FERMT2: variants seen among roughly 807,000 people sequenced by gnomAD.
The protein encoded by FERMT2 is FERM domain containing kindlin 2, also known as fermitin family homolog 2.
In FERMT2, 15 loss-of-function variants were observed where a neutral mutation model predicts 82.7. That is an observed-to-expected ratio of 0.18 (90% CI 0.12 to 0.28). The LOEUF is 0.28. Ranked by LOEUF, FERMT2 falls within the 10% of genes least tolerant of loss-of-function variation. FERMT2 has a pLI of 1.00. For missense variants in FERMT2, 645 were observed against 809.4 expected, an observed-to-expected ratio of 0.80 and a Z score of 2.46; for synonymous variants, 274 against 271.5, an observed-to-expected ratio of 1.01 and a Z score of -0.09.
At chr14:52,889,212 C>A (rs1474399283) in intron 4 of FERMT2, among the ~76,000 whole-genome samples, 1 of 152,128 alleles carries the variant, frequency 6.6e-6, no homozygotes, top group Non-Finnish European at 1.5e-5. Context: ...GTGTTTTGGA[C>A]AAGAAGTTGC....
chr14:52,876,531 G>C (rs1265140792), intron 7 of FERMT2, among the ~76,000 whole-genome samples: 1 of 152,150 alleles, frequency 6.6e-6, no homozygotes, highest in Non-Finnish European at 1.5e-5. Flanking sequence ...AGTCATACCG[G>C]AGAAATCCTG....
At chr14:52,938,857 G>GT (rs1889965258) in intron 2 of FERMT2, among the ~76,000 whole-genome samples, 1 of 151,962 alleles carries the variant, frequency 6.6e-6, no homozygotes, top group Admixed American at 6.6e-5. Context: ...TTTAAAGAAG[G>GT]TATTTGTCTA....
At chr14:52,914,369 C>T (rs902985199) in intron 3 of FERMT2, among the ~76,000 whole-genome samples, 6 of 151,156 alleles carry the variant, frequency 4.0e-5, no homozygotes, top group African/African-American at 7.3e-5. Context: ...GATACTATCT[C>T]AAAAAGCAAA....
intron 2 of FERMT2, among the ~76,000 whole-genome samples, chr14:52,946,633 A>G (rs1052578191): frequency 2.6e-5 from 4 of 152,208 alleles, no homozygotes; most frequent in Admixed American, 6.5e-5. Context: ...CCTGGGTGAC[A>G]GTGCAAGACC....
At chr14:52,922,406 G>C (rs1889008170) in intron 2 of FERMT2, among the ~76,000 whole-genome samples, 1 of 152,126 alleles carries the variant, frequency 6.6e-6, no homozygotes, top group South Asian at 2.1e-4. Flanking sequence ...TGCCCACCAG[G>C]AGTGCAGGTG....
intron 2 of FERMT2, among the ~76,000 whole-genome samples, chr14:52,947,085 A>G (rs534084060): frequency 6.6e-6 from 1 of 152,244 alleles, no homozygotes; most frequent in Non-Finnish European, 1.5e-5. Context: ...AAACTTTGTC[A>G]CATTACGATA....
intron 2 of FERMT2, among the ~76,000 whole-genome samples, chr14:52,930,766 G>A (rs1007023588): frequency 1.3e-5 from 2 of 152,106 alleles, no homozygotes; most frequent in African/African-American, 4.8e-5. Flanking sequence ...AAACTCTTCT[G>A]ATGTTTCTAC....
chr14:52,910,372 G>A (rs1888248677), intron 3 of FERMT2, among the ~76,000 whole-genome samples: 1 of 152,094 alleles, frequency 6.6e-6, no homozygotes. Flanking sequence ...ATGGTAACAA[G>A]CTCTAAACAC....
intron 3 of FERMT2, among the ~76,000 whole-genome samples, chr14:52,909,154 C>T (rs936646700): frequency 6.6e-6 from 1 of 152,166 alleles, no homozygotes; most frequent in Non-Finnish European, 1.5e-5. Context: ...AGAGAGGTGC[C>T]TCCTGAATGC....
chr14:52,932,303 A>G (rs569691707), intron 2 of FERMT2, among the ~76,000 whole-genome samples: 1 of 152,368 alleles, frequency 6.6e-6, no homozygotes, highest in Non-Finnish European at 1.5e-5. Context: ...GACTAATGTT[A>G]GGACTCATTT....
chr14:52,889,191 T>C (rs1566731781), intron 4 of FERMT2, among the ~76,000 whole-genome samples: 1 of 152,226 alleles, frequency 6.6e-6, no homozygotes, highest in Non-Finnish European at 1.5e-5. Flanking sequence ...GGATTAAATA[T>C]ATTACATGTA....
intron 2 of FERMT2, among the ~76,000 whole-genome samples, chr14:52,947,125 T>C (rs927576401): frequency 1.3e-5 from 2 of 152,242 alleles, no homozygotes; most frequent in Admixed American, 6.5e-5. Context: ...TCATGACATA[T>C]GCTTTTGCTT....
chr14:52,933,344 T>C (rs1410048835), intron 2 of FERMT2, among the ~76,000 whole-genome samples: 1 of 152,098 alleles, frequency 6.6e-6, no homozygotes, highest in African/African-American at 2.4e-5. Context: ...TATAACACCA[T>C]TTTTTACAAC....
chr14:52,877,177 A>G (rs1468348370), intron 7 of FERMT2, among the ~76,000 whole-genome samples: 1 of 152,240 alleles, frequency 6.6e-6, no homozygotes, highest in Non-Finnish European at 1.5e-5. Flanking sequence ...TTTTAAAAAC[A>G]ATAACCATAA....
At chr14:52,929,673 T>A (rs1189746615) in intron 2 of FERMT2, among the ~76,000 whole-genome samples, 1 of 152,216 alleles carries the variant, frequency 6.6e-6, no homozygotes, top group Non-Finnish European at 1.5e-5. Context: ...CTCTCATCTT[T>A]CAGGTTTTAG....
rs137900215 is a variant in FERMT2 at position 52,859,632 on chromosome 14, T to C, written c.1810A>G (p.Ile604Val). ...IRMDASTGDA[I>V]KTWRFSNMKQ... ...ATGTTGCTGAAACGCCATGTTTTAA[T>C]TGCATCTCCAGTGCTGGCATCCATC... The change falls in exon 14 of 15, where the codon ATT (isoleucine) becomes GTT (valine). Residue 604 changes from isoleucine to valine, a missense_variant. Ile to Val is a conservative substitution (Grantham distance 29). Coordinates refer to ENST00000341590, the MANE Select transcript of FERMT2 (RefSeq NM_006832.3). The C allele has an allele frequency of 1.2e-5, 19 of 1,612,430 alleles. No individual in the cohort carries two copies. The highest frequency in any genetic ancestry group is 1.4e-5 in the Non-Finnish European group (16 of 1,179,186).
intron 13 of FERMT2, 168 bp downstream of exon 13, chr14:52,860,173 A>C: frequency 1.8e-6 from 1 of 571,174 alleles, no homozygotes; most frequent in Non-Finnish European, 2.9e-6. Context: ...TTTTTAATGT[A>C]GAAATTAAAA....
intron 3 of FERMT2, among the ~76,000 whole-genome samples, chr14:52,894,421 T>C (rs1887134307): frequency 1.3e-5 from 2 of 152,186 alleles, no homozygotes; most frequent in African/African-American, 4.8e-5. Flanking sequence ...AGTTGACAGA[T>C]TGTAAAATTT....
chr14:52,891,874 A>G (rs977683470), intron 4 of FERMT2, among the ~76,000 whole-genome samples: 1 of 152,194 alleles, frequency 6.6e-6, no homozygotes, highest in Admixed American at 6.5e-5. Flanking sequence ...GCTTCCCAAC[A>G]GACATCACCT....
Sources: allele counts gnomAD v4.1 joint callset (sites outside exome capture counted in the v4.1 genomes callset), GRCh38; gene constraint gnomAD v4.1.1; transcripts MANE v1.5; gene names NCBI Gene and HGNC (gene_info 2026-07-23, HGNC 2026-07-21).